Variants in DDX17 observed in about 807,000 individuals in gnomAD.
The protein encoded by DDX17 is probable ATP-dependent RNA helicase DDX17.
Under a neutral mutation model 80.8 loss-of-function variants are expected in DDX17, and 10 were observed. That is an observed-to-expected ratio of 0.12 (90% confidence interval 0.08 to 0.21). The LOEUF (loss-of-function observed/expected upper bound fraction) is 0.21. Ranked by LOEUF, DDX17 falls within the 10% of genes least tolerant of loss-of-function variation. The pLI is 1.00. For synonymous variants in DDX17, 339 were observed against 336.2 expected, an observed-to-expected ratio of 1.01 and a Z score of -0.09; for missense variants, 586 against 957.4, an observed-to-expected ratio of 0.61 and a Z score of 5.12.
In DDX17 at chr22:38,493,699, T is replaced by A; in HGVS notation, c.1387+11A>T. ...GGGGAATCAACAGAAAATGCTTAGT[T>A]TTAAACTTACCATTAAGTACCCAAT... On this transcript the variant is annotated intron_variant, in intron 10 of 12. Transcript: ENST00000403230. 1 of 1,607,438 alleles carries A rather than the reference T, an allele frequency of 6.2e-7. No individual in the cohort carries two copies.
intron 6 of DDX17, 65 bp downstream of exon 6, chr22:38,495,727 TCCAA>T (rs1387453772): frequency 3.0e-6 from 4 of 1,315,818 alleles, no homozygotes; most frequent in Admixed American, 2.7e-5. Context: ...ACTTTTTTTC[TCCAA>T]TTTCCTCCAC....
At chr22:38,497,619 CAAAAAAAA>C (rs138449) in intron 5 of DDX17, among the ~76,000 whole-genome samples, 7 of 74,888 alleles carry the variant, frequency 9.3e-5, no homozygotes, top group East Asian at 7.4e-4. Context: ...AATATATCTC[CAAAAAAAA>C]AAAAAAAAAA....
intron 7 of DDX17, 36 bp downstream of exon 7, chr22:38,494,850 A>C: frequency 6.2e-7 from 1 of 1,613,896 alleles, no homozygotes; most frequent in Non-Finnish European, 8.5e-7. Flanking sequence ...ACTTGGACAA[A>C]TGGCATAAAG....
At position 38,499,504 on chromosome 22, in the gene DDX17, T is replaced by G; in HGVS notation, c.439-5A>C. On this transcript the variant is annotated splice_polypyrimidine_tract_variant and splice_region_variant and intron_variant, in intron 2 of 12. Transcript: ENST00000403230. ...GCGTAGCTCATCAACCTCATACTATTGAAAAAAAATGAAAGAAGTTAGTAA... is the reference window on the plus strand; with the variant it reads ...GCGTAGCTCATCAACCTCATACTATGGAAAAAAAATGAAAGAAGTTAGTAA... 1 of 1,579,294 alleles carries G rather than the reference T, an allele frequency of 6.3e-7. No individual in the cohort carries two copies. Among genetic ancestry groups the G allele is most frequent in the Non-Finnish European group, 8.7e-7 (1 of 1,154,548 alleles).
At chr22:38,499,778 T>C (rs2089808688) in intron 2 of DDX17, among the ~76,000 whole-genome samples, 1 of 152,296 alleles carries the variant, frequency 6.6e-6, no homozygotes, top group East Asian at 1.9e-4. Flanking sequence ...AAAGTGGAAC[T>C]TGGACCCAAG....
At chr22:38,486,500 T>G in intron 12 of DDX17, 60 bp from the exon 13 acceptor site, 1 of 1,474,150 alleles carries the variant, frequency 6.8e-7, no homozygotes, top group Non-Finnish European at 9.0e-7. Context: ...CATAACAATG[T>G]AAAAATTCTA....
chr22:38,495,979 T>TAAAAAAAAAAAAAAAAAAAAA, intron 5 of DDX17, 42 bp from the exon 6 acceptor site: 1 of 761,452 alleles, frequency 1.3e-6, no homozygotes, highest in Non-Finnish European at 1.7e-6. Flanking sequence ...ATCCAAGGTT[T>TAAAAAAAAAAAAAAAAAAAAA]AAAAAAAAAA....
intron 6 of DDX17, among the ~76,000 whole-genome samples, chr22:38,495,435 C>T (rs959465397): frequency 6.6e-6 from 1 of 152,026 alleles, no homozygotes; most frequent in Non-Finnish European, 1.5e-5. Flanking sequence ...TTAGTAGAGA[C>T]GGGGTTTCAC....
chr22:38,498,626 A>G, intron 3 of DDX17, 53 bp from the exon 4 acceptor site: 5 of 1,591,008 alleles, frequency 3.1e-6, no homozygotes, highest in Non-Finnish European at 4.3e-6. Flanking sequence ...ACACAAACCA[A>G]GAGTTTTTAA....
rs1391782479 is a variant in DDX17 at position 38,485,764 on chromosome 22, A to T, written c.*171T>A. The T allele has an allele frequency of 2.1e-6, 2 of 963,314 alleles. No homozygotes were observed. Among genetic ancestry groups the T allele is most frequent in the Non-Finnish European group, 2.8e-6 (2 of 710,724 alleles). 59.7% of individuals were successfully genotyped at this position (963,314 alleles called of 1,614,324 possible). ...GGTGGGCAGAAGAAACCTGGCAGTG[A>T]ATTCTAACTAATCTGCATGAAAAGA... On this transcript the variant is annotated 3_prime_UTR_variant, in exon 13 of 13. Transcript: ENST00000403230.
At chr22:38,497,619 C>CAAAAAAAAAAAAAAAAAAA (rs138449) in intron 5 of DDX17, among the ~76,000 whole-genome samples, 6 of 74,882 alleles carry the variant, frequency 8.0e-5, no homozygotes, top group African/African-American at 3.4e-4. Context: ...AATATATCTC[C>CAAAAAAAAAAAAAAAAAAA]AAAAAAAAAA....
intron 1 of DDX17, chr22:38,505,727 C>T (rs530886793): frequency 2.2e-4 from 116 of 539,276 alleles, no homozygotes; most frequent in African/African-American, 2.1e-3. Flanking sequence ...CCACGACGGC[C>T]GTCCGCACGG....
Position 38,488,102 on chromosome 22 carries a change from G to A in DDX17, c.1461C>T (p.Val487=), listed in dbSNP as rs773968706. The A allele has an allele frequency of 6.2e-7, 1 of 1,614,168 alleles. No homozygotes were observed. The highest frequency in any genetic ancestry group is 1.1e-5 in the South Asian group (1 of 91,076). Residue 487 remains valine, a synonymous_variant, in exon 12 of 13, where the codon GTC becomes GTT. Transcript: ENST00000403230. ...GATAGTCATAGTTGATCACAAACTT[G>A]ACATCTTCCACATCTTCCACGTCAA...
At chr22:38,504,851 TAGGA>T (rs1555927036) in intron 1 of DDX17, among the ~76,000 whole-genome samples, 1 of 151,438 alleles carries the variant, frequency 6.6e-6, no homozygotes, top group Non-Finnish European at 1.5e-5. Flanking sequence ...TCACAAAAGG[TAGGA>T]TCTTGACCAA....
rs770972357 is a variant in DDX17, at chr22:38,506,016, G to A, written c.222C>T (p.Leu74=). The A allele has an allele frequency of 8.2e-6, 13 of 1,591,462 alleles. No individual in the cohort carries two copies. Among genetic ancestry groups the A allele is most frequent in the African/African-American group, 2.7e-5 (2 of 74,468 alleles). Residue 74 remains leucine, a synonymous_variant, in exon 1 of 13, where the codon CTC becomes CTT. Transcript: ENST00000403230. ...CTCCGCGCATGGTCCCAAAAGGATA[G>A]AGATCTGGGAGCGGGGCACGGATGG...
rs1306069892 is a variant in DDX17, at chr22:38,484,157, G to C, written c.*1778C>G. On this transcript the variant is annotated 3_prime_UTR_variant, in exon 13 of 13. Transcript: ENST00000403230. ...AGTGCTTAGACAAATTTGGGGTTGG[G>C]GGGAACACTTTGGTTTGAAAGCACA... 6.6e-6 allele frequency: 1 copy of C among 152,322 alleles called. No homozygotes were observed. The highest frequency in any genetic ancestry group is 6.6e-5 in the Admixed American group (1 of 15,234). The allele number at this position is 152,322 out of a possible 1,614,324, so 9.4% of individuals were successfully genotyped here.
intron 10 of DDX17, 161 bp downstream of exon 10, chr22:38,493,549 C>T (rs1050423352): frequency 1.1e-5 from 7 of 625,202 alleles, no homozygotes; most frequent in African/African-American, 1.9e-5. Context: ...AACAGCAGTG[C>T]TGAGTGGCTA....
chr22:38,488,210 G>C (rs2089680192), intron 11 of DDX17, 95 bp from the exon 12 acceptor site: 1 of 1,603,132 alleles, frequency 6.2e-7, no homozygotes, highest in African/African-American at 1.3e-5. Flanking sequence ...CACGAATGCA[G>C]ATGACAGCAA....
intron 10 of DDX17, among the ~76,000 whole-genome samples, chr22:38,492,713 C>T (rs1363141472): frequency 6.6e-6 from 1 of 152,054 alleles, no homozygotes; most frequent in African/African-American, 2.4e-5. Flanking sequence ...CTCGAACTCC[C>T]AACCTCAGGT....
Sources: allele counts gnomAD v4.1 joint callset (sites outside exome capture counted in the v4.1 genomes callset), GRCh38; gene constraint gnomAD v4.1.1; transcripts MANE v1.5; gene names NCBI Gene and HGNC (gene_info 2026-07-23, HGNC 2026-07-21).